The following KATNIP variants were observed in gnomAD, a reference collection of about 807,000 sequenced individuals.
KATNIP encodes the protein katanin-interacting protein.
KATNIP carries 126 observed loss-of-function variants against 174.0 expected under a neutral mutation model. That is an observed-to-expected ratio of 0.72 (90% confidence interval 0.63 to 0.84). The LOEUF is 0.84. Among genes scored for constraint, KATNIP ranks in the 40% least tolerant of loss-of-function variants. The probability of loss-of-function intolerance (pLI) is 0.00; values close to 1 mark genes in which losing one functional copy is unlikely to be tolerated. For synonymous variants in KATNIP, 810 were observed against 835.7 expected, an observed-to-expected ratio of 0.97 and a Z score of 0.53; for missense variants, 1,958 against 2,109.7, an observed-to-expected ratio of 0.93 and a Z score of 1.41.
chr16:27,736,967 A>G (rs1449507988), intron 14 of KATNIP, among the ~76,000 whole-genome samples: 1 of 149,218 alleles, frequency 6.7e-6, no homozygotes, highest in Non-Finnish European at 1.5e-5. Flanking sequence ...CATACTGGAT[A>G]TGAGTGAGAA....
intron 12 of KATNIP, among the ~76,000 whole-genome samples, chr16:27,706,618 G>A (rs9922282): frequency 0.2 from 29,752 of 152,128 alleles, 3,459 homozygotes; most frequent in African/African-American, 0.33. Flanking sequence ...AGCAACAGAC[G>A]AGTTGTGACA....
Position 27,779,472 on chromosome 16 carries a change from T to C in KATNIP, c.*843T>C, listed in dbSNP as rs1462504841. ...CACCCCAGTGCCCTCTGGATGCAGG[T>C]GTTGGGGAACACTGAGGACAATCCC... is the stretch of plus-strand genomic sequence containing the variant. On this transcript the variant is annotated 3_prime_UTR_variant, in exon 28 of 28. Coordinates refer to ENST00000261588, the MANE Select transcript of KATNIP (RefSeq NM_015202.5). 6.6e-6 allele frequency: 1 copy of C among 152,344 alleles called. No individual in the cohort carries two copies. Among genetic ancestry groups the C allele is most frequent in the East Asian group, 1.9e-4 (1 of 5,194 alleles). The allele number at this position is 152,344 out of a possible 1,614,324, so 9.4% of individuals were successfully genotyped here. A position where few individuals can be genotyped will look rare whatever the true frequency, so the allele number is the denominator to read the frequency against.
chr16:27,725,707 C>G (rs2080422641), intron 14 of KATNIP, among the ~76,000 whole-genome samples: 1 of 152,252 alleles, frequency 6.6e-6, no homozygotes. Context: ...AGCAGCTCCC[C>G]ATGGTCCATC....
Position 27,766,443 on chromosome 16 carries a change from A to G in KATNIP, c.3944A>G (p.Tyr1315Cys), listed in dbSNP as rs1486137362. 1 of 1,613,820 alleles carries G rather than the reference A, an allele frequency of 6.2e-7. No homozygotes were observed. The highest frequency in any genetic ancestry group is 2.2e-5 in the East Asian group (1 of 44,886). The change falls in exon 20 of 28, where the codon TAC becomes TGC. Residue 1315 changes from tyrosine to cysteine, a missense_variant. Tyr to Cys is a radical substitution (Grantham distance 194). Around this residue, in one of 3 missense-constraint regions of KATNIP, gnomAD observed 383 missense variants for 456.0 expected, o/e 0.84. Coordinates refer to ENST00000261588, the MANE Select transcript of KATNIP (RefSeq NM_015202.5). ...ESIAGLRFWN[Y>C]NKSPEDTYRG... ...ATCGCAGGCCTGCGCTTCTGGAACT[A>G]CAATAAATCTCCCGAGGACACCTAT...
At chr16:27,673,232 C>T (rs2077984061) in intron 6 of KATNIP, among the ~76,000 whole-genome samples, 2 of 152,170 alleles carry the variant, frequency 1.3e-5, no homozygotes, top group South Asian at 4.1e-4. Context: ...TTTTTCTGAG[C>T]ATCAAAGGAG....
chr16:27,568,851 A>T (rs898485870), intron 1 of KATNIP, among the ~76,000 whole-genome samples: 1 of 152,016 alleles, frequency 6.6e-6, no homozygotes, highest in Admixed American at 6.6e-5. Flanking sequence ...AGTTCCTTTT[A>T]TTCTCCAAAA....
chr16:27,749,435 A>G (rs535220667), intron 15 of KATNIP, 149 bp from the exon 16 acceptor site: 61 of 908,708 alleles, frequency 6.7e-5, no homozygotes, highest in Middle Eastern at 3.6e-4. Flanking sequence ...CTAAGGAGAC[A>G]GCCGGGAACA....
At chr16:27,612,038 T>A (rs2075906631) in intron 2 of KATNIP, among the ~76,000 whole-genome samples, 1 of 152,066 alleles carries the variant, frequency 6.6e-6, no homozygotes, top group Admixed American at 6.6e-5. Context: ...GGGAATAGGA[T>A]GATTAAGACA....
chr16:27,746,647 G>A (rs1799061160), intron 15 of KATNIP, among the ~76,000 whole-genome samples: 1 of 152,248 alleles, frequency 6.6e-6, no homozygotes, highest in African/African-American at 2.4e-5. Context: ...GCCTCTCCAA[G>A]GAGGCGGGTG....
intron 4 of KATNIP, 108 bp downstream of exon 4, chr16:27,628,938 C>A: frequency 8.7e-7 from 1 of 1,154,884 alleles, no homozygotes; most frequent in Non-Finnish European, 1.2e-6. Flanking sequence ...GAGGCTGAGG[C>A]GGGTGGATCA....
intron 19 of KATNIP, among the ~76,000 whole-genome samples, chr16:27,765,203 G>T (rs1370069993): frequency 6.6e-6 from 1 of 152,132 alleles, no homozygotes; most frequent in African/African-American, 2.4e-5. Flanking sequence ...CCAGGCTTCT[G>T]AATGGCAGTG....
intron 10 of KATNIP, among the ~76,000 whole-genome samples, chr16:27,699,868 T>TCA (rs1427480566): frequency 2.0e-5 from 3 of 152,212 alleles, no homozygotes; most frequent in Non-Finnish European, 2.9e-5. Flanking sequence ...GCCTGCTGAC[T>TCA]CAAACTGTTG....
chr16:27,753,825 C>CCCTTCCTCCTCCTTT (rs1253202179), intron 17 of KATNIP, among the ~76,000 whole-genome samples: 36 of 147,240 alleles, frequency 2.4e-4, no homozygotes, highest in Non-Finnish European at 4.7e-4. Flanking sequence ...TTCTCTTCTT[C>CCCTTCCTCCTCCTTT]CCTTCCTCCT....
chr16:27,732,862 C>T (rs1398875943), intron 14 of KATNIP, among the ~76,000 whole-genome samples: 1 of 152,210 alleles, frequency 6.6e-6, no homozygotes, highest in Non-Finnish European at 1.5e-5. Context: ...GACAGCAACC[C>T]ACGCTTTTGC....
Position 27,637,333 on chromosome 16 carries a change from G to A in KATNIP, c.408+6171G>A, listed in dbSNP as rs1411247396. Among the ~76,000 whole-genome samples, 2 of 152,170 alleles carry A rather than the reference G, an allele frequency of 1.3e-5. No homozygotes were observed. Among genetic ancestry groups the A allele is most frequent in the African/African-American group, 4.8e-5 (2 of 41,438 alleles). ...CTCAGTTTTGGCACTTACAGATGCC[G>A]GGTTCCAAGCAATAAGTGAGGCCAG... On this transcript the variant is annotated intron_variant, in intron 5 of 27. Transcript: ENST00000261588. This position sits in a 1 kb window ranked among gnomAD's most constrained non-coding sequence, Gnocchi z 4.7.
Position 27,740,050 on chromosome 16 carries a change from A to G in KATNIP, c.1753A>G (p.Ile585Val). 6 of 1,610,970 alleles carry G rather than the reference A, an allele frequency of 3.7e-6. No individual in the cohort carries two copies. Among genetic ancestry groups the G allele is most frequent in the African/African-American group, 1.3e-5 (1 of 74,878 alleles). Residue 585 changes from isoleucine (I) to valine (V), a missense_variant, in exon 15 of 28, where the codon ATT becomes GTT. By Grantham distance (29) the Ile-to-Val change is conservative. Transcript: ENST00000261588. ...NYWTADGDLD[I>V]GAKNVKLYVN... is the part of the protein sequence containing the mutation. Reference sequence around the variant, plus strand: ...AATCTTATGGTTTCAGGATCTTGACATTGGTGCCAAGAACGTGAAGCTTTA... The same window carrying G: ...AATCTTATGGTTTCAGGATCTTGACGTTGGTGCCAAGAACGTGAAGCTTTA...
intron 3 of KATNIP, among the ~76,000 whole-genome samples, chr16:27,625,409 C>T (rs887628446): frequency 7.9e-5 from 12 of 152,338 alleles, no homozygotes; most frequent in Middle Eastern, 6.8e-3. Context: ...CACTCTGCCC[C>T]GCCACAGGCC....
At chr16:27,737,887 C>T (rs921632188) in intron 14 of KATNIP, among the ~76,000 whole-genome samples, 1 of 152,090 alleles carries the variant, frequency 6.6e-6, no homozygotes, top group Non-Finnish European at 1.5e-5. Flanking sequence ...TCAGAATTGT[C>T]CCAGACAAAC....
chr16:27,626,467 G>A (rs993122740), intron 3 of KATNIP, among the ~76,000 whole-genome samples: 3 of 152,114 alleles, frequency 2.0e-5, no homozygotes, highest in Admixed American at 6.5e-5. Context: ...AATTACCAGC[G>A]ATGTCTAAGT....
Sources: allele counts gnomAD v4.1 joint callset (sites outside exome capture counted in the v4.1 genomes callset), GRCh38; gene constraint gnomAD v4.1.1; regional missense constraint gnomAD v4.1.1; non-coding constraint Gnocchi (gnomAD v3.1); transcripts MANE v1.5; gene names NCBI Gene and HGNC (gene_info 2026-07-23, HGNC 2026-07-21).